CEP89: variants seen among roughly 807,000 people sequenced by gnomAD.
The protein encoded by CEP89 is centrosomal protein of 89 kDa.
A neutral mutation model predicts 97.6 loss-of-function variants in CEP89; 95 were observed. The observed-to-expected ratio is 0.97, with a 90% CI of 0.82 to 1.15. CEP89 has a LOEUF of 1.15. Ranked by LOEUF, CEP89 falls within the 50% of genes most tolerant of loss-of-function variation. The pLI is 0.00. For synonymous variants in CEP89, 354 were observed against 349.1 expected (o/e 1.01, Z -0.16); for missense variants, 869 against 947.7 (o/e 0.92, Z 1.09).
intron 4 of CEP89, among the ~76,000 whole-genome samples, chr19:32,952,425 G>A (rs1035431014): frequency 3.3e-5 from 5 of 151,362 alleles, no homozygotes. Context: ...TGGCTATAAT[G>A]AGCTAGGATC....
In CEP89 at chr19:32,937,638, G is replaced by A. The variant is rs1476290449; in HGVS notation, c.660C>T (p.Pro220=). 7 of 1,604,308 alleles carry A rather than the reference G, an allele frequency of 4.4e-6. No individual in the cohort carries two copies. Among genetic ancestry groups the A allele is most frequent in the Middle Eastern group, 1.6e-4 (1 of 6,068 alleles). The change falls in exon 7 of 19, where the codon CCC becomes CCT. Residue 220 remains proline (P), a synonymous_variant. Transcript: ENST00000305768. ...AATTCAAAAGGCAAATACCTGGGGA[G>A]GGTGGAGGTTTCTCACATAATGGAG... The part of the protein sequence containing the change: ...EKPPLCEKPP[P]SPDITGRARQ...
At chr19:32,892,898 T>C (rs1202704742) in intron 16 of CEP89, among the ~76,000 whole-genome samples, 1 of 151,910 alleles carries the variant, frequency 6.6e-6, no homozygotes, top group Non-Finnish European at 1.5e-5. Flanking sequence ...AACTAACTAG[T>C]AGAGCAAGCA....
At chr19:32,913,077 T>A (rs1375478051) in intron 14 of CEP89, among the ~76,000 whole-genome samples, 2 of 147,608 alleles carry the variant, frequency 1.4e-5, no homozygotes, top group African/African-American at 4.9e-5. Context: ...ATAGAATATA[T>A]AAATATATAA....
In CEP89 at chr19:32,926,111, T is replaced by A. The variant is rs747322967; in HGVS notation, c.1164+79A>T. 8 of 1,029,090 alleles carry A rather than the reference T, an allele frequency of 7.8e-6. No homozygotes were observed. The South Asian group carries it at 9.1e-5, about 12-fold the overall frequency. The allele number at this position is 1,029,090 out of a possible 1,614,324, so 63.7% of individuals were successfully genotyped here. A position where few individuals can be genotyped will look rare whatever the true frequency, so the allele number is the denominator to read the frequency against. On this transcript the variant is annotated intron_variant, in intron 11 of 18. Transcript: ENST00000305768. ...CTATAATATGCTGGGTATACCTACA[T>A]TCAAAATGTTTTTATAAAATTTGAA...
At chr19:32,915,642 C>A (rs1015593017) in intron 13 of CEP89, 125 bp from the exon 14 acceptor site, 2 of 908,056 alleles carry the variant, frequency 2.2e-6, no homozygotes, top group Non-Finnish European at 3.3e-6. Context: ...TCTTTTGAGC[C>A]AGACGTGGTG....
chr19:32,883,096 T>A (rs560628421), intron 17 of CEP89, among the ~76,000 whole-genome samples: 30 of 151,926 alleles, frequency 2.0e-4, no homozygotes, highest in Admixed American at 9.2e-4. Flanking sequence ...TCTCCTGACC[T>A]CGCGATCCGC....
At chr19:32,931,337 A>T in intron 9 of CEP89, 92 bp downstream of exon 9, 1 of 1,183,960 alleles carries the variant, frequency 8.4e-7, no homozygotes, top group Non-Finnish European at 1.2e-6. Flanking sequence ...ACATCAAATT[A>T]TAATAAATAA....
intron 14 of CEP89, among the ~76,000 whole-genome samples, chr19:32,906,080 C>A (rs570481931): frequency 1.3e-5 from 2 of 152,212 alleles, no homozygotes; most frequent in South Asian, 4.1e-4. Flanking sequence ...TTACTTTTGA[C>A]CTTTCTCTAT....
intron 3 of CEP89, among the ~76,000 whole-genome samples, chr19:32,959,517 C>T (rs1339610502): frequency 6.6e-6 from 1 of 152,168 alleles, no homozygotes; most frequent in Admixed American, 6.5e-5. Context: ...CAGAGATACA[C>T]GTGAGAGGTA....
At chr19:32,935,166 G>A (rs924311802) in intron 7 of CEP89, among the ~76,000 whole-genome samples, 6 of 152,234 alleles carry the variant, frequency 3.9e-5, no homozygotes, top group Middle Eastern at 3.4e-3. Context: ...GAGGAAGAGG[G>A]GTCCCCACGG....
Position 32,918,878 on chromosome 19 carries a change from C to CTTTTCTTTTTTTT in CEP89, c.1269-540_1269-539insAAAAAAAAGAAAA, listed in dbSNP as rs1568559832. On this transcript the variant is annotated intron_variant, in intron 12 of 18. Transcript: ENST00000305768. ...GGTTTCTTTTTTCTTTTTTCTTTTT[C>CTTTTCTTTTTTTT]TTTTTCTTTTTTTTTTTTTTTTTTG... Among the ~76,000 whole-genome samples the CTTTTCTTTTTTTT allele has an allele frequency of 3.6e-5, 4 of 110,844 alleles. 2 individuals carry two copies. Among genetic ancestry groups the CTTTTCTTTTTTTT allele is most frequent in the Non-Finnish European group, 7.8e-5 (4 of 51,488 alleles). 72.7% of individuals were successfully genotyped at this position (110,844 alleles called of 152,430 possible). A position where few individuals can be genotyped will look rare whatever the true frequency, so the allele number is the denominator to read the frequency against.
chr19:32,902,084 ATAGCTC>A (rs1368819958), intron 14 of CEP89, among the ~76,000 whole-genome samples: 4 of 150,382 alleles, frequency 2.7e-5, no homozygotes, highest in African/African-American at 9.8e-5. Context: ...AAAATCTAAG[ATAGCTC>A]TATTTTTTAC....
At position 32,877,349 on chromosome 19, in the gene CEP89, G is replaced by A. The variant is rs886481391; in HGVS notation, c.*1813C>T. The A allele has an allele frequency of 6.6e-6, 1 of 152,264 alleles. No homozygotes were observed. The highest frequency in any genetic ancestry group is 2.4e-5 in the African/African-American group (1 of 41,450). 9.4% of individuals were successfully genotyped at this position (152,264 alleles called of 1,614,324 possible). ...CTGAAACAAGGCAGGACTTCACTGCGAGGGGCTCTGAAAAGGAGATGCTGC... is the reference window on the plus strand; with the variant it reads ...CTGAAACAAGGCAGGACTTCACTGCAAGGGGCTCTGAAAAGGAGATGCTGC... On this transcript the variant is annotated 3_prime_UTR_variant, in exon 19 of 19. Coordinates refer to ENST00000305768, the MANE Select transcript of CEP89 (RefSeq NM_032816.5).
At chr19:32,958,622 T>G (rs560629525) in intron 3 of CEP89, among the ~76,000 whole-genome samples, 3 of 152,186 alleles carry the variant, frequency 2.0e-5, no homozygotes, top group Non-Finnish European at 2.9e-5. Flanking sequence ...GAGGTTGCAG[T>G]GAGCCAGGAT....
chr19:32,906,992 C>A (rs978476639), intron 14 of CEP89, among the ~76,000 whole-genome samples: 59 of 152,110 alleles, frequency 3.9e-4, no homozygotes, highest in African/African-American at 1.4e-3. Flanking sequence ...AGTCACTGCG[C>A]CTGGCCTCAC....
Position 32,936,006 on chromosome 19 carries a change from G to T in CEP89, c.667+1625C>A, listed in dbSNP as rs1407034351. On this transcript the variant is annotated intron_variant, in intron 7 of 18. Coordinates refer to ENST00000305768, the MANE Select transcript of CEP89 (RefSeq NM_032816.5). This position sits in a 1 kb window ranked among gnomAD's most constrained non-coding sequence, Gnocchi z 4.5. Reference sequence around the variant, plus strand: ...CGGGAGCCCTGCCCCTTCTGAGTTGGTGGGGCAGGAGCTCATGGGGTGCTG... The same window carrying T: ...CGGGAGCCCTGCCCCTTCTGAGTTGTTGGGGCAGGAGCTCATGGGGTGCTG... 1.3e-5 allele frequency among the ~76,000 whole-genome samples: 2 copies of T among 152,210 alleles called. No homozygotes were observed. Among genetic ancestry groups the T allele is most frequent in the African/African-American group, 4.8e-5 (2 of 41,458 alleles).
At position 32,876,787 on chromosome 19, in the gene CEP89, C is replaced by T. The variant is rs1256179745; in HGVS notation, c.*2375G>A. ...GGCAGAAGATAGTGTCTGTGGGACA[C>T]CTGCCCTTGCCCTGGTCACAGTGCC... On this transcript the variant is annotated 3_prime_UTR_variant, in exon 19 of 19. Coordinates refer to ENST00000305768, the MANE Select transcript of CEP89 (RefSeq NM_032816.5). 1 of 152,262 alleles carries T rather than the reference C, an allele frequency of 6.6e-6. No individual in the cohort carries two copies. Among genetic ancestry groups the T allele is most frequent in the Non-Finnish European group, 1.5e-5 (1 of 68,066 alleles). 9.4% of individuals were successfully genotyped at this position (152,262 alleles called of 1,614,324 possible). A position where few individuals can be genotyped will look rare whatever the true frequency, so the allele number is the denominator to read the frequency against.
chr19:32,959,000 A>C (rs143671455), intron 3 of CEP89, among the ~76,000 whole-genome samples: 75 of 151,928 alleles, frequency 4.9e-4, no homozygotes, highest in Middle Eastern at 3.4e-3. Flanking sequence ...CTGGGCAACA[A>C]GAGTGAAATT....
intron 13 of CEP89, 41 bp downstream of exon 13, chr19:32,918,183 T>G: frequency 2.1e-6 from 3 of 1,436,722 alleles, no homozygotes; most frequent in Non-Finnish European, 2.9e-6. Flanking sequence ...ATGACAATAG[T>G]GACATCAATG....
Sources: gnomAD v4.1 joint callset for allele counts (sites outside exome capture counted in the v4.1 genomes callset) on GRCh38, gnomAD v4.1.1 for gene constraint, Gnocchi (gnomAD v3.1) non-coding constraint, MANE v1.5 for transcripts, NCBI Gene and HGNC (gene_info 2026-07-23, HGNC 2026-07-21) for gene names.